The following TOM1L2 variants were observed in gnomAD, a reference collection of about 807,000 sequenced individuals.
TOM1L2 encodes the protein target of myb1 like 2 membrane trafficking protein, also known as TOM1-like protein 2.
Under a neutral mutation model 67.9 loss-of-function variants are expected in TOM1L2, and 31 were observed. The ratio of observed to expected loss-of-function variants is 0.46; its 90% CI spans 0.34 to 0.62. The LOEUF is 0.62. TOM1L2 is among the 20% of genes least tolerant of loss of function. The pLI is 0.01. For synonymous variants in TOM1L2, 256 were observed against 254.0 expected, an observed-to-expected ratio of 1.01 and a Z score of -0.07; for missense variants, 606 against 663.5, an observed-to-expected ratio of 0.91 and a Z score of 0.95.
rs781580283 is a variant in TOM1L2, at chr17:17,907,437, G to T, written c.137+10C>A. On this transcript the variant is annotated intron_variant, in intron 2 of 14. Transcript: ENST00000379504. ...CAGAGAGGCTTCCCAGGAGAGGGGG[G>T]CACACGTACCCTTCCTCCGTCTCAT... 6.2e-7 allele frequency: 1 copy of T among 1,613,376 alleles called. No homozygotes were observed. Among genetic ancestry groups the T allele is most frequent in the South Asian group, 1.1e-5 (1 of 91,002 alleles).
chr17:17,888,379 C>A (rs1300125413), intron 4 of TOM1L2, among the ~76,000 whole-genome samples: 1 of 152,246 alleles, frequency 6.6e-6, no homozygotes, highest in Non-Finnish European at 1.5e-5. Flanking sequence ...CTATTCATTT[C>A]TGTATCCCTG....
chr17:17,963,782 A>G (rs941700555), intron 1 of TOM1L2, among the ~76,000 whole-genome samples: 3 of 152,264 alleles, frequency 2.0e-5, no homozygotes, highest in East Asian at 3.8e-4. Context: ...TTCAGAAGGT[A>G]TGGCAATAAA....
chr17:17,882,826 C>T lies in TOM1L2; in HGVS notation c.539G>A (p.Arg180Lys). 1.2e-6 allele frequency: 2 copies of T among 1,614,176 alleles called. No homozygotes were observed. Among genetic ancestry groups the T allele is most frequent in the Non-Finnish European group, 1.7e-6 (2 of 1,180,026 alleles). ...ACTTGTCCTCTGCTGTGATTGGGAC[C>T]TGGGCATGGTCGCAGCTGGATCCAC... The part of the protein sequence containing the change: ...PEVDPAATMP[R>K]SQSQQRTSAG... The change falls in exon 6 of 15, where the codon AGG becomes AAG. Residue 180 changes from arginine to lysine, a missense_variant. Arg to Lys is a conservative substitution (Grantham distance 26). Coordinates refer to ENST00000379504, the MANE Select transcript of TOM1L2 (RefSeq NM_001082968.2).
chr17:17,847,704 A>T lies in TOM1L2; in HGVS notation c.1455T>A (p.Pro485=). 1 of 1,614,026 alleles carries T rather than the reference A, an allele frequency of 6.2e-7. No homozygotes were observed. Among genetic ancestry groups the T allele is most frequent in the Non-Finnish European group, 8.5e-7 (1 of 1,179,994 alleles). ...GGCCAGAAGGGTTTGAGGCTGGGGC[A>T]GGAGCCTCCATGGGGGGCGAGGGGA... ...PDLPSPPMEA[P]APASNPSGRK... The change falls in exon 15 of 15, where the codon CCT becomes CCA. Residue 485 remains proline, a synonymous_variant. Coordinates refer to ENST00000379504, the MANE Select transcript of TOM1L2 (RefSeq NM_001082968.2).
intron 10 of TOM1L2, among the ~76,000 whole-genome samples, chr17:17,865,742 C>CTTT (rs35408977): frequency 3.9e-5 from 4 of 103,524 alleles, no homozygotes; most frequent in Non-Finnish European, 8.1e-5. Context: ...GGTGACCTTT[C>CTTT]TTTTTTTTTT....
At chr17:17,876,237 G>C (rs565002938) in intron 7 of TOM1L2, among the ~76,000 whole-genome samples, 2 of 152,104 alleles carry the variant, frequency 1.3e-5, no homozygotes, top group Non-Finnish European at 2.9e-5. Flanking sequence ...CTTGAATTTC[G>C]GGCCCAGACC....
intron 12 of TOM1L2, chr17:17,858,665 C>T (rs960182468): frequency 6.6e-6 from 1 of 152,322 alleles, no homozygotes; most frequent in African/African-American, 2.4e-5. Context: ...TCACTGCAAC[C>T]TCTACCTCCT....
Position 17,887,275 on chromosome 17 carries a change from T to A in TOM1L2, c.367-2507A>T, listed in dbSNP as rs570331600. Among the ~76,000 whole-genome samples, 4 of 152,340 alleles carry A rather than the reference T, an allele frequency of 2.6e-5. No homozygotes were observed. The South Asian group carries it at 8.3e-4, about 32-fold the overall frequency. ...CTCTGTGCAGACTGGATGAGATGGCTGCTAACAGAGCAGATATTCATGATG... is the reference window on the plus strand; with the variant it reads ...CTCTGTGCAGACTGGATGAGATGGCAGCTAACAGAGCAGATATTCATGATG... On this transcript the variant is annotated intron_variant, in intron 4 of 14. Coordinates refer to ENST00000379504, the MANE Select transcript of TOM1L2 (RefSeq NM_001082968.2).
intron 1 of TOM1L2, among the ~76,000 whole-genome samples, chr17:17,934,475 C>G (rs1315783747): frequency 7.9e-5 from 12 of 152,126 alleles, no homozygotes. Flanking sequence ...ACAGTATATA[C>G]CTAGGCAAAG....
rs774380990 is a variant in TOM1L2, at chr17:17,907,468, A to G, written c.116T>C (p.Ile39Thr). The G allele has an allele frequency of 6.2e-7, 1 of 1,614,124 alleles. No individual in the cohort carries two copies. The highest frequency in any genetic ancestry group is 1.1e-5 in the South Asian group (1 of 91,074). The change falls in exon 2 of 15, where the codon ATC becomes ACC. Residue 39 changes from isoleucine (I) to threonine (T), a missense_variant. Transcript: ENST00000379504. ...GTACCCTTCCTCCGTCTCATTGATG[A>G]TGTCACAGATCTCCATATTCAACGT... ...DWTLNMEICD[I>T]INETEEGPKD...
chr17:17,874,844 T>A (rs1463090783), intron 7 of TOM1L2, among the ~76,000 whole-genome samples: 2 of 152,208 alleles, frequency 1.3e-5, no homozygotes, highest in East Asian at 3.8e-4. Flanking sequence ...TCCAAAGAGC[T>A]ATGCTAAAGA....
chr17:17,961,567 C>T (rs1014527010), intron 1 of TOM1L2, among the ~76,000 whole-genome samples: 21 of 151,218 alleles, frequency 1.4e-4, no homozygotes, highest in African/African-American at 4.6e-4. Context: ...AGAAGGAGAA[C>T]GTGTCTCTTA....
chr17:17,972,280 G>T lies in TOM1L2; in HGVS notation c.34C>A (p.Pro12Thr). 6.4e-7 allele frequency: 1 copy of T among 1,552,014 alleles called. No individual in the cohort carries two copies. Among genetic ancestry groups the T allele is most frequent in the South Asian group, 1.2e-5 (1 of 84,216 alleles). Reference sequence around the variant, plus strand: ...GCCTTACCGAGGCACTGCCCCACTGGTGTGCTGAACGGGTTCCCCAGGAGG... The same window carrying T: ...GCCTTACCGAGGCACTGCCCCACTGTTGTGCTGAACGGGTTCCCCAGGAGG... ...EFLLGNPFST[P>T]VGQCLEKATD... Residue 12 changes from proline to threonine, a missense_variant, in exon 1 of 15, where the codon CCA becomes ACA. Pro to Thr is a conservative substitution (Grantham distance 38, BLOSUM62 -1). Coordinates refer to ENST00000379504, the MANE Select transcript of TOM1L2 (RefSeq NM_001082968.2).
At chr17:17,853,180 C>G (rs924543494) in intron 12 of TOM1L2, among the ~76,000 whole-genome samples, 2 of 152,190 alleles carry the variant, frequency 1.3e-5, no homozygotes, top group Admixed American at 1.3e-4. Flanking sequence ...TCTGGGAGGA[C>G]GCATGCCATG....
In TOM1L2 at chr17:17,844,965, G is replaced by A. The variant is rs554760815; in HGVS notation, c.*2670C>T. 3 of 152,576 alleles carry A rather than the reference G, an allele frequency of 2.0e-5. No homozygotes were observed. The highest frequency in any genetic ancestry group is 4.8e-5 in the African/African-American group (2 of 41,566). The allele number at this position is 152,576 out of a possible 1,614,324, so 9.5% of individuals were successfully genotyped here. ...ACTCACGGAGAGGCTGGTGGGCCTTGAGAGTCCAGGTTTCCTGACAGAGCC... is the reference window on the plus strand; with the variant it reads ...ACTCACGGAGAGGCTGGTGGGCCTTAAGAGTCCAGGTTTCCTGACAGAGCC... On this transcript the variant is annotated 3_prime_UTR_variant, in exon 15 of 15. Transcript: ENST00000379504.
In TOM1L2 at chr17:17,903,089, A is replaced by G. The variant is rs1433804379; in HGVS notation, c.137+4358T>C. 3.3e-5 allele frequency among the ~76,000 whole-genome samples: 5 copies of G among 152,204 alleles called. No homozygotes were observed. The South Asian group carries it at 1.0e-3, about 32-fold the overall frequency. The stretch of plus-strand genomic sequence containing the variant: ...CTCCAGTCTGGTGTCACTTCCTCCA[A>G]GAAGGCTTTGCTGCCAAAAGTCCCA... On this transcript the variant is annotated intron_variant, in intron 2 of 14. Transcript: ENST00000379504.
intron 1 of TOM1L2, among the ~76,000 whole-genome samples, chr17:17,955,126 A>G (rs2041374687): frequency 6.6e-6 from 1 of 152,142 alleles, no homozygotes; most frequent in African/African-American, 2.4e-5. Flanking sequence ...GGTGGATCTG[A>G]TTTGCCCAGC....
chr17:17,876,640 G>A (rs2037437451), intron 7 of TOM1L2, among the ~76,000 whole-genome samples: 1 of 152,232 alleles, frequency 6.6e-6, no homozygotes, highest in African/African-American at 2.4e-5. Context: ...CCTGCGCCAG[G>A]CACTGCCAAG....
At chr17:17,909,785 T>C (rs2039262670) in intron 1 of TOM1L2, among the ~76,000 whole-genome samples, 1 of 152,066 alleles carries the variant, frequency 6.6e-6, no homozygotes. Context: ...ATCTCAGAAC[T>C]TTGGGAGGCT....
Sources: gnomAD v4.1 joint callset for allele counts (sites outside exome capture counted in the v4.1 genomes callset) on GRCh38, gnomAD v4.1.1 for gene constraint, MANE v1.5 for transcripts, NCBI Gene and HGNC (gene_info 2026-07-23, HGNC 2026-07-21) for gene names.